The following PRR13 variants were observed in gnomAD, a reference collection of about 807,000 sequenced individuals.
The protein encoded by PRR13 is proline-rich protein 13.
Under a neutral mutation model 11.5 loss-of-function variants are expected in PRR13, and 7 were observed. The observed-to-expected ratio is 0.61, with a 90% CI of 0.34 to 1.14. The LOEUF (loss-of-function observed/expected upper bound fraction) is 1.14. PRR13 is among the 50% of genes most tolerant of loss of function. The pLI, the probability that PRR13 is intolerant of heterozygous loss-of-function variation, is 0.03. For synonymous variants in PRR13, 53 were observed against 67.8 expected, an observed-to-expected ratio of 0.78 and a Z score of 1.07; for missense variants, 155 against 194.4, an observed-to-expected ratio of 0.80 and a Z score of 1.21.
rs1940296537 is a variant in PRR13, at chr12:53,441,776, C to CA, written c.-36dup. On this transcript the variant is annotated 5_prime_UTR_variant, in exon 1 of 4. Transcript: ENST00000429243. ...ACTGCGAAGGAGAACGCAGCAAGCCCAGGCGGCGGTGGAAAGGTGATGGGG... is the reference window on the plus strand; with the variant it reads ...ACTGCGAAGGAGAACGCAGCAAGCCCAAGGCGGCGGTGGAAAGGTGATGGGG... The CA allele has an allele frequency of 1.4e-6, 1 of 702,182 alleles. No individual in the cohort carries two copies. The highest frequency in any genetic ancestry group is 1.5e-5 in the South Asian group (1 of 67,592). The allele number at this position is 702,182 out of a possible 1,614,324, so 43.5% of individuals were successfully genotyped here.
chr12:53,442,049 G>C (rs1940302167), intron 1 of PRR13: 1 of 558,944 alleles, frequency 1.8e-6, no homozygotes, highest in Middle Eastern at 4.3e-4. Flanking sequence ...CTTACTCTGT[G>C]CGTGGTTAAA....
intron 1 of PRR13, chr12:53,442,252 C>G: frequency 4.6e-6 from 1 of 215,960 alleles, no homozygotes; most frequent in East Asian, 1.2e-4. Flanking sequence ...CTTTTCTTTT[C>G]TTTTCTTTTT....
chr12:53,444,454 C>T (rs1052726792), intron 3 of PRR13, among the ~76,000 whole-genome samples: 2 of 151,950 alleles, frequency 1.3e-5, no homozygotes, highest in Non-Finnish European at 2.9e-5. Context: ...CTCAGCCTCC[C>T]GAGTAGCTGG....
At chr12:53,442,085 A>G (rs1230053481) in intron 1 of PRR13, 1 of 477,252 alleles carries the variant, frequency 2.1e-6, no homozygotes, top group African/African-American at 2.0e-5. Flanking sequence ...TTCCAGGGAA[A>G]GGGAGATGAG....
intron 3 of PRR13, 97 bp from the exon 4 acceptor site, chr12:53,445,918 G>A (rs537022311): frequency 6.9e-5 from 109 of 1,579,702 alleles, no homozygotes; most frequent in Non-Finnish European, 8.7e-5. Context: ...GGATACTTGG[G>A]TGGAGGGGTG....
In PRR13 at chr12:53,442,703, A is replaced by G; in HGVS notation, c.-12A>G. 6.2e-7 allele frequency: 1 copy of G among 1,609,552 alleles called. No homozygotes were observed. The highest frequency in any genetic ancestry group is 1.1e-5 in the South Asian group (1 of 90,964). On this transcript the variant is annotated 5_prime_UTR_variant, in exon 2 of 4. Coordinates refer to ENST00000429243, the MANE Select transcript of PRR13 (RefSeq NM_018457.4). ...CATTTCTTTCTCCTCAGGCTGGAGGACACACCTAAACATGTGGAATCCCAA... is the reference window on the plus strand; with the variant it reads ...CATTTCTTTCTCCTCAGGCTGGAGGGCACACCTAAACATGTGGAATCCCAA...
At chr12:53,442,897 ATTT>A (rs1475478587) in intron 2 of PRR13, 164 bp downstream of exon 2, 1 of 558,146 alleles carries the variant, frequency 1.8e-6, no homozygotes, top group African/African-American at 2.0e-5. Context: ...TAATTTATTT[ATTT>A]TTTGAGATGG....
chr12:53,446,123 C>T lies in PRR13; in HGVS notation c.*64C>T. 6.2e-7 allele frequency: 1 copy of T among 1,608,528 alleles called. No individual in the cohort carries two copies. Among genetic ancestry groups the T allele is most frequent in the Non-Finnish European group, 8.5e-7 (1 of 1,179,786 alleles). On this transcript the variant is annotated 3_prime_UTR_variant, in exon 4 of 4. Transcript: ENST00000429243. ...CTGCTCTCCCATCAAGCTTCAGATG[C>T]CATGTTGTACTGGGGGAATGTAGCC... is the stretch of plus-strand genomic sequence containing the variant.
chr12:53,442,758 A>G (rs749356758), intron 2 of PRR13, 25 bp downstream of exon 2: 88 of 1,597,974 alleles, frequency 5.5e-5, no homozygotes, highest in Non-Finnish European at 7.2e-5. Flanking sequence ...GTTCTGTTCC[A>G]CCCCTAACCC....
rs1028726273 is a variant in PRR13, at chr12:53,441,768, A to C, written c.-45A>C. 5 of 702,188 alleles carry C rather than the reference A, an allele frequency of 7.1e-6. No homozygotes were observed. The highest frequency in any genetic ancestry group is 1.7e-5 in the African/African-American group (1 of 57,264). 43.5% of individuals were successfully genotyped at this position (702,188 alleles called of 1,614,324 possible). A position where few individuals can be genotyped will look rare whatever the true frequency, so the allele number is the denominator to read the frequency against. On this transcript the variant is annotated 5_prime_UTR_variant, in exon 1 of 4. Coordinates refer to ENST00000429243, the MANE Select transcript of PRR13 (RefSeq NM_018457.4). ...GAGCCGAGACTGCGAAGGAGAACGC[A>C]GCAAGCCCAGGCGGCGGTGGAAAGG...
intron 3 of PRR13, among the ~76,000 whole-genome samples, chr12:53,445,077 C>A (rs988251669): frequency 6.6e-6 from 1 of 152,058 alleles, no homozygotes. Flanking sequence ...GAAGGCTGTG[C>A]GCCGTGGTCC....
In PRR13 at chr12:53,442,684, T is replaced by C; in HGVS notation, c.-20-11T>C. On this transcript the variant is annotated splice_polypyrimidine_tract_variant and intron_variant, in intron 1 of 3. Transcript: ENST00000429243. ...ACCGTCATCTTTTTTGCCTCATTTC[T>C]TTCTCCTCAGGCTGGAGGACACACC... is the stretch of plus-strand genomic sequence containing the variant. The C allele has an allele frequency of 6.2e-7, 1 of 1,603,822 alleles. No individual in the cohort carries two copies. Among genetic ancestry groups the C allele is most frequent in the African/African-American group, 1.3e-5 (1 of 74,740 alleles).
rs1054257332 is a variant in PRR13 at position 53,445,889 on chromosome 12, A to G, written c.403-126A>G. On this transcript the variant is annotated intron_variant, in intron 3 of 3. Transcript: ENST00000429243. ...AGGTACAGTCTGTTCAAGACTCCTG[A>G]CCTTCTTAGGGAAGCAAGGGATACT... 2.1e-6 allele frequency: 3 copies of G among 1,404,368 alleles called. No homozygotes were observed. In the African/African-American group the frequency reaches 4.3e-5, roughly 20 times the overall value. The allele number at this position is 1,404,368 out of a possible 1,614,324, so 87.0% of individuals were successfully genotyped here.
chr12:53,445,057 A>T (rs1940374871), intron 3 of PRR13, among the ~76,000 whole-genome samples: 4 of 152,112 alleles, frequency 2.6e-5, no homozygotes. Context: ...CTTTGATAGA[A>T]ATCTGAAGAG....
chr12:53,444,041 C>A (rs531403509), intron 3 of PRR13: 2 of 507,962 alleles, frequency 3.9e-6, no homozygotes, highest in Non-Finnish European at 6.8e-6. Flanking sequence ...CTTTTCTGCC[C>A]TACTCTCCCA....
Position 53,443,424 on chromosome 12 carries a change from T to C in PRR13, c.53T>C (p.Ile18Thr), listed in dbSNP as rs544120436. 53 of 1,424,944 alleles carry C rather than the reference T, an allele frequency of 3.7e-5. No individual in the cohort carries two copies. The East Asian group carries it at 8.3e-4, about 22-fold the overall frequency. 88.3% of individuals were successfully genotyped at this position (1,424,944 alleles called of 1,614,324 possible). The change falls in exon 3 of 4, where the codon ATT becomes ACT. Residue 18 changes from isoleucine to threonine, a missense_variant. Ile to Thr is a moderately conservative substitution (Grantham distance 89, BLOSUM62 -1). Coordinates refer to ENST00000429243, the MANE Select transcript of PRR13 (RefSeq NM_018457.4). ...QPGPNPYPPNIGCPGGSNPAH... is the reference protein window; with the variant it reads ...QPGPNPYPPNTGCPGGSNPAH... ...GGGCCAAATCCATATCCCCCCAATA[T>C]TGGGTGCCCTGGAGGTTCCAATCCT...
At chr12:53,444,873 C>G (rs898932735) in intron 3 of PRR13, among the ~76,000 whole-genome samples, 4 of 151,444 alleles carry the variant, frequency 2.6e-5, no homozygotes, top group Admixed American at 1.3e-4. Context: ...ACTCCAGCCT[C>G]GGTGACAGAT....
intron 3 of PRR13, 130 bp from the exon 4 acceptor site, chr12:53,445,885 C>T: frequency 1.5e-6 from 2 of 1,371,294 alleles, no homozygotes; most frequent in East Asian, 2.3e-5. Flanking sequence ...GTTCAAGACT[C>T]CTGACCTTCT....
chr12:53,445,739 G>C (rs1017676179), intron 3 of PRR13, among the ~76,000 whole-genome samples: 1 of 152,302 alleles, frequency 6.6e-6, no homozygotes, highest in Admixed American at 6.5e-5. Context: ...ATCGATTCAG[G>C]TAAAGAAAGT....
Sources: allele counts gnomAD v4.1 joint callset (sites outside exome capture counted in the v4.1 genomes callset), GRCh38; gene constraint gnomAD v4.1.1; transcripts MANE v1.5; gene names NCBI Gene and HGNC (gene_info 2026-07-23, HGNC 2026-07-21).